COL4A5: variants seen among roughly 807,000 people sequenced by gnomAD.
COL4A5 encodes the protein collagen type IV alpha 5 chain, also known as collagen alpha-5(IV) chain.
A neutral mutation model predicts 130.2 loss-of-function variants in COL4A5; 26 were observed. The observed-to-expected ratio is 0.20, with a 90% CI of 0.15 to 0.28. The LOEUF (loss-of-function observed/expected upper bound fraction) is 0.28, where lower values mean the gene tolerates loss of function less well. COL4A5 is among the 10% of genes least tolerant of loss of function. The probability of loss-of-function intolerance (pLI) is 1.00; values close to 1 mark genes in which losing one functional copy is unlikely to be tolerated. For synonymous variants in COL4A5, 496 were observed against 439.6 expected, an observed-to-expected ratio of 1.13 and a Z score of -1.60; for missense variants, 1,131 against 1,344.3, an observed-to-expected ratio of 0.84 and a Z score of 2.48.
At chrX:108,505,353 A>G (rs1302852364) in intron 1 of COL4A5, among the ~76,000 whole-genome samples, 1 of 110,798 alleles carries the variant, frequency 9.0e-6, no homozygotes, top group Non-Finnish European at 1.9e-5. Context: ...CCATGTAACC[A>G]AAAACCACTT....
intron 42 of COL4A5, 197 bp downstream of exon 42, chrX:108,670,433 T>C (rs1325929807): frequency 3.0e-6 from 1 of 331,450 alleles, no homozygotes; most frequent in African/African-American, 2.8e-5. Flanking sequence ...CAAAATTACC[T>C]AACTAGGAAA....
intron 36 of COL4A5, among the ~76,000 whole-genome samples, chrX:108,639,024 T>A (rs900341354): frequency 1.8e-5 from 2 of 109,857 alleles, no homozygotes; most frequent in Non-Finnish European, 3.8e-5. Context: ...TCCAATGGCA[T>A]TTTTTTTTCC....
chrX:108,571,816 C>T lies in COL4A5; in HGVS notation c.444C>T (p.Pro148=), dbSNP rs1391900494. The T allele has an allele frequency of 8.5e-7, 1 of 1,180,710 alleles. No homozygotes were observed. Among genetic ancestry groups the T allele is most frequent in the Non-Finnish European group, 1.2e-6 (1 of 867,859 alleles). Residue 148 remains proline, a synonymous_variant, in exon 8 of 53, where the codon CCC becomes CCT. Transcript: ENST00000328300. ...CCTTTTCTTTTTAATAATAGGGACC[C>T]CCTGGGATCCCAGGTATGAAGGTAA... ...GFPGLQGPPG[P]PGIPGMKGEP... is the part of the protein sequence containing the mutation.
At chrX:108,660,335 C>G (rs73636578) in intron 37 of COL4A5, among the ~76,000 whole-genome samples, 11,516 of 110,928 alleles carry the variant, frequency 0.1, 1,288 homozygotes, top group African/African-American at 0.33. Flanking sequence ...CATTTCTACT[C>G]TTCTACCCTC....
chrX:108,627,217 T>A (rs1029650510), intron 36 of COL4A5: 3 of 597,862 alleles, frequency 5.0e-6, no homozygotes, highest in East Asian at 1.7e-4. Flanking sequence ...ATTTATATTT[T>A]ACCAGTGACA....
chrX:108,592,924 C>T (rs924541114), intron 21 of COL4A5, among the ~76,000 whole-genome samples: 5 of 111,065 alleles, frequency 4.5e-5, no homozygotes, highest in Non-Finnish European at 7.5e-5. Flanking sequence ...TAATCTTGAA[C>T]TTTGTGTACA....
intron 1 of COL4A5, among the ~76,000 whole-genome samples, chrX:108,536,292 C>A (rs183125825): frequency 9.2e-6 from 1 of 109,253 alleles, no homozygotes; most frequent in Non-Finnish European, 1.9e-5. Context: ...CACGTGCTTG[C>A]ATGTGTAAAT....
At chrX:108,661,386 A>G (rs926864301) in intron 37 of COL4A5, among the ~76,000 whole-genome samples, 1 of 111,621 alleles carries the variant, frequency 9.0e-6, no homozygotes, top group East Asian at 2.8e-4. Flanking sequence ...GATGTGTTCA[A>G]TATTCTGTTA....
intron 1 of COL4A5, among the ~76,000 whole-genome samples, chrX:108,520,500 C>T (rs776988230): frequency 7.3e-4 from 81 of 111,053 alleles, no homozygotes; most frequent in African/African-American, 2.4e-3. Flanking sequence ...TTAAAATCTC[C>T]GACTCTGATT....
chrX:108,628,233 A>G (rs969206403), intron 36 of COL4A5, among the ~76,000 whole-genome samples: 1 of 111,272 alleles, frequency 9.0e-6, no homozygotes, highest in African/African-American at 3.2e-5. Flanking sequence ...GAAGATTCTT[A>G]TCCATATTCT....
chrX:108,442,510 C>T (rs1465671133), intron 1 of COL4A5, among the ~76,000 whole-genome samples: 3 of 111,813 alleles, frequency 2.7e-5, no homozygotes, highest in Admixed American at 9.5e-5. Context: ...GATTCACTGT[C>T]AGTGGGATAT....
At position 108,667,035 on chromosome X, in the gene COL4A5, C is replaced by CTTA. The variant is rs1280193787; in HGVS notation, c.3554-98_3554-97insTTA. 1.8e-5 allele frequency: 13 copies of CTTA among 724,331 alleles called. No individual in the cohort carries two copies. In the East Asian group the frequency reaches 3.5e-4, roughly 20 times the overall value. The allele number at this position is 724,331 out of a possible 1,213,427, so 59.7% of individuals were successfully genotyped here. On this transcript the variant is annotated intron_variant, in intron 39 of 52. Coordinates refer to ENST00000328300, the MANE Select transcript of COL4A5 (RefSeq NM_033380.3). ...GTTTCATATAATATACATTGCTGCA[C>CTTA]CTAATGAAAACCTCAATGATCTAAA...
chrX:108,682,837 T>C (rs2068461480), intron 47 of COL4A5, among the ~76,000 whole-genome samples: 1 of 112,028 alleles, frequency 8.9e-6, no homozygotes, highest in African/African-American at 3.2e-5. Flanking sequence ...TCTCCCATTC[T>C]GTAGGTTGCC....
At chrX:108,688,320 T>G (rs1211612941) in intron 49 of COL4A5, among the ~76,000 whole-genome samples, 2 of 111,647 alleles carry the variant, frequency 1.8e-5, no homozygotes, top group Non-Finnish European at 3.8e-5. Flanking sequence ...ATGAGGGGAC[T>G]AAATCACTCT....
chrX:108,474,440 T>C (rs2064811964), intron 1 of COL4A5, among the ~76,000 whole-genome samples: 2 of 112,001 alleles, frequency 1.8e-5, no homozygotes, highest in South Asian at 3.7e-4. Flanking sequence ...GATTATACTA[T>C]GTAGCGTAGG....
At chrX:108,600,952 C>A (rs765512952) in intron 25 of COL4A5, among the ~76,000 whole-genome samples, 1 of 111,264 alleles carries the variant, frequency 9.0e-6, no homozygotes, top group Non-Finnish European at 1.9e-5. Flanking sequence ...ACCTTTTTTT[C>A]TGCCTTTTTG....
chrX:108,571,513 A>G (rs746973561), intron 7 of COL4A5, 47 bp downstream of exon 7: 1 of 981,672 alleles, frequency 1.0e-6, no homozygotes, highest in East Asian at 3.1e-5. Context: ...AATTAACAAA[A>G]GAAGCAGAAA....
chrX:108,623,040 C>T (rs995339711), intron 33 of COL4A5, among the ~76,000 whole-genome samples: 5 of 112,162 alleles, frequency 4.5e-5, no homozygotes, highest in Non-Finnish European at 9.4e-5. Flanking sequence ...CTATCACGAG[C>T]TTTACCTAAC....
intron 1 of COL4A5, among the ~76,000 whole-genome samples, chrX:108,495,342 T>C (rs929605927): frequency 8.9e-6 from 1 of 111,777 alleles, no homozygotes; most frequent in Non-Finnish European, 1.9e-5. Flanking sequence ...GTTCATGAAA[T>C]AATCAAAATT....
Sources: allele counts gnomAD v4.1 joint callset (sites outside exome capture counted in the v4.1 genomes callset), GRCh38; gene constraint gnomAD v4.1.1; transcripts MANE v1.5; gene names NCBI Gene and HGNC (gene_info 2026-07-23, HGNC 2026-07-21).